PPARD: variants seen among roughly 807,000 people sequenced by gnomAD.
PPARD encodes the protein peroxisome proliferator activated receptor delta, also known as peroxisome proliferator-activated receptor delta.
A neutral mutation model predicts 39.5 loss-of-function variants in PPARD; 6 were observed. The observed-to-expected ratio is 0.15, with a 90% CI of 0.08 to 0.30. The LOEUF is 0.30. Ranked by LOEUF, PPARD falls within the 10% of genes least tolerant of loss-of-function variation. The pLI, the probability that PPARD is intolerant of heterozygous loss-of-function variation, is 1.00. For missense variants in PPARD, 397 were observed against 596.8 expected (o/e 0.67, Z 3.49); for synonymous variants, 210 against 231.3 (o/e 0.91, Z 0.83).
At chr6:35,399,399 CA>C (rs10539871) in intron 2 of PPARD, among the ~76,000 whole-genome samples, 1,301 of 95,136 alleles carry the variant, frequency 0.014, 14 homozygotes, top group African/African-American at 0.034. Context: ...GACTCTGTCT[CA>C]AAAAAAAAAA....
chr6:35,380,468 T>TTTTG (rs1562190269), intron 2 of PPARD, among the ~76,000 whole-genome samples: 12 of 94,918 alleles, frequency 1.3e-4, no homozygotes, highest in African/African-American at 4.6e-4. Flanking sequence ...TGTTTTTTTT[T>TTTTG]TTTGTTTGTT....
At chr6:35,403,183 C>T (rs1057102182) in intron 2 of PPARD, among the ~76,000 whole-genome samples, 1 of 152,198 alleles carries the variant, frequency 6.6e-6, no homozygotes, top group Non-Finnish European at 1.5e-5. Flanking sequence ...TAGCACATTT[C>T]TAGGACTGGA....
At chr6:35,358,877 A>G (rs1761766139) in intron 2 of PPARD, among the ~76,000 whole-genome samples, 1 of 152,188 alleles carries the variant, frequency 6.6e-6, no homozygotes, top group African/African-American at 2.4e-5. Context: ...CAGATAAAAA[A>G]TCTCCTGCTC....
At chr6:35,407,814 C>T (rs1293374217) in intron 2 of PPARD, among the ~76,000 whole-genome samples, 3 of 149,834 alleles carry the variant, frequency 2.0e-5, no homozygotes, top group African/African-American at 7.4e-5. Flanking sequence ...AAAAAAAAAG[C>T]TGACTAATGC....
intron 2 of PPARD, among the ~76,000 whole-genome samples, chr6:35,394,239 C>T (rs1221490345): frequency 6.6e-6 from 1 of 152,162 alleles, no homozygotes; most frequent in Non-Finnish European, 1.5e-5. Context: ...CGCAGCTCGG[C>T]CACTTCCTGT....
intron 2 of PPARD, among the ~76,000 whole-genome samples, chr6:35,377,678 C>T (rs1339208395): frequency 6.6e-6 from 1 of 152,074 alleles, no homozygotes. Context: ...TGTTGGCTGC[C>T]TCTGTGGTTG....
intron 3 of PPARD, among the ~76,000 whole-genome samples, chr6:35,419,873 T>TA (rs1180567933): frequency 1.3e-5 from 2 of 152,200 alleles, no homozygotes; most frequent in Non-Finnish European, 2.9e-5. Context: ...GCCCTGATGG[T>TA]AATAGCTGCT....
In PPARD at chr6:35,424,033, A is replaced by C. The variant is rs1264270027; in HGVS notation, c.512A>C (p.Gln171Pro). 6.2e-7 allele frequency: 1 copy of C among 1,614,090 alleles called. No homozygotes were observed. The highest frequency in any genetic ancestry group is 8.5e-7 in the Non-Finnish European group (1 of 1,180,030). ...AACGAGGGGAGCCAGTACAACCCAC[A>C]GGTGGCCGACCTGAAGGCCTTCTCC... ...TANEGSQYNP[Q>P]VADLKAFSKH... Residue 171 changes from glutamine to proline, a missense_variant, in exon 6 of 8, where the codon CAG (glutamine) becomes CCG (proline). By Grantham distance (76) the Gln-to-Pro change is moderately conservative. Transcript: ENST00000360694. This position sits in a 1 kb window ranked among gnomAD's most constrained non-coding sequence, Gnocchi z 7.1.
chr6:35,352,329 G>C (rs573827801), intron 2 of PPARD, among the ~76,000 whole-genome samples: 1 of 151,952 alleles, frequency 6.6e-6, no homozygotes, highest in Non-Finnish European at 1.5e-5. Flanking sequence ...GACCACAGGC[G>C]CGCACCCCAA....
intron 2 of PPARD, among the ~76,000 whole-genome samples, chr6:35,408,172 C>T (rs1244010557): frequency 6.6e-6 from 1 of 152,194 alleles, no homozygotes; most frequent in Non-Finnish European, 1.5e-5. Context: ...CATAGTATTC[C>T]TGTTCCAGGC....
chr6:35,354,148 C>T (rs1761422670), intron 2 of PPARD, among the ~76,000 whole-genome samples: 1 of 143,204 alleles, frequency 7.0e-6, no homozygotes, highest in Admixed American at 7.3e-5. Context: ...AGGAGAATGG[C>T]ATGAACCCGG....
chr6:35,409,959 G>A (rs574269952), intron 2 of PPARD, among the ~76,000 whole-genome samples: 1 of 152,360 alleles, frequency 6.6e-6, no homozygotes, highest in African/African-American at 2.4e-5. Context: ...GTACAGCCGA[G>A]TTGGCAGGTC....
At chr6:35,359,727 A>G (rs972443105) in intron 2 of PPARD, among the ~76,000 whole-genome samples, 2 of 152,312 alleles carry the variant, frequency 1.3e-5, no homozygotes, top group South Asian at 4.1e-4. Flanking sequence ...TGGCTCCCAC[A>G]TGTTGAATGC....
Position 35,421,825 on chromosome 6 carries a change from C to T in PPARD, c.291C>T (p.Phe97=), listed in dbSNP as rs1207195000. ...ACCTGTTCTTGGTGCTTCAGGGCTTCTTCCGTCGTACGATCCGCATGAAGC... is the reference window on the plus strand; with the variant it reads ...ACCTGTTCTTGGTGCTTCAGGGCTTTTTCCGTCGTACGATCCGCATGAAGC... The part of the protein sequence containing the change: ...GVHACEGCKG[F]FRRTIRMKLE... The change falls in exon 5 of 8, where the codon TTC becomes TTT. Residue 97 remains phenylalanine (F), a synonymous_variant. Transcript: ENST00000360694. 4 of 1,610,466 alleles carry T rather than the reference C, an allele frequency of 2.5e-6. No homozygotes were observed. Among genetic ancestry groups the T allele is most frequent in the South Asian group, 1.1e-5 (1 of 90,584 alleles).
intron 2 of PPARD, chr6:35,397,628 C>G: frequency 1.2e-6 from 1 of 837,754 alleles, no homozygotes. Flanking sequence ...TGCAATTATG[C>G]CAGTTGCTCC....
chr6:35,383,956 C>T (rs1375361614), intron 2 of PPARD, among the ~76,000 whole-genome samples: 1 of 124,160 alleles, frequency 8.1e-6, no homozygotes, highest in Non-Finnish European at 1.5e-5. Flanking sequence ...TCAGCCCCCC[C>T]GCCAGGCCAG....
chr6:35,357,894 G>A (rs1054423766), intron 2 of PPARD, among the ~76,000 whole-genome samples: 11 of 152,252 alleles, frequency 7.2e-5, no homozygotes, highest in African/African-American at 2.6e-4. Flanking sequence ...GCCTGGGGAC[G>A]CTGCCAAGGC....
chr6:35,422,263 G>T (rs1429280097), intron 5 of PPARD, among the ~76,000 whole-genome samples: 1 of 152,202 alleles, frequency 6.6e-6, no homozygotes, highest in Non-Finnish European at 1.5e-5. Flanking sequence ...ATACCAGCTT[G>T]AACAATTTGG....
chr6:35,413,652 T>G (rs988344286), intron 3 of PPARD, among the ~76,000 whole-genome samples: 4 of 151,090 alleles, frequency 2.6e-5, no homozygotes, highest in Non-Finnish European at 4.4e-5. Flanking sequence ...GGTGAAAGGG[T>G]AGTGTGGGCC....
Sources: allele counts gnomAD v4.1 joint callset (sites outside exome capture counted in the v4.1 genomes callset), GRCh38; gene constraint gnomAD v4.1.1; non-coding constraint Gnocchi (gnomAD v3.1); transcripts MANE v1.5; gene names NCBI Gene and HGNC (gene_info 2026-07-23, HGNC 2026-07-21).